Variants in TAF1B observed in about 807,000 individuals in gnomAD.
TAF1B encodes TATA box-binding protein-associated factor RNA polymerase I subunit B.
Under a neutral mutation model 83.9 loss-of-function variants are expected in TAF1B, and 61 were observed. The ratio of observed to expected loss-of-function variants is 0.73; its 90% CI spans 0.59 to 0.90. The LOEUF (loss-of-function observed/expected upper bound fraction) is 0.90. TAF1B is among the 40% of genes least tolerant of loss of function. TAF1B has a pLI of 0.00. For missense variants in TAF1B, 625 were observed against 677.0 expected (o/e 0.92, Z 0.85); for synonymous variants, 221 against 224.6 (o/e 0.98, Z 0.14).
chr2:9,881,366 C>T (rs1224681690), intron 7 of TAF1B, among the ~76,000 whole-genome samples: 1 of 151,958 alleles, frequency 6.6e-6, no homozygotes, highest in Non-Finnish European at 1.5e-5. Context: ...TCAGTTTTGT[C>T]CTTTAAGTGT....
intron 8 of TAF1B, among the ~76,000 whole-genome samples, chr2:9,887,782 A>T (rs1008768984): frequency 6.6e-6 from 1 of 151,986 alleles, no homozygotes; most frequent in African/African-American, 2.4e-5. Context: ...TACATGTCTC[A>T]TCTCTTGTTT....
At chr2:9,908,237 G>A (rs1286082029) in intron 9 of TAF1B, among the ~76,000 whole-genome samples, 4 of 150,778 alleles carry the variant, frequency 2.7e-5, no homozygotes, top group African/African-American at 9.8e-5. Flanking sequence ...AGTAGAGATG[G>A]GGTTTCACTG....
chr2:9,868,556 G>A, intron 6 of TAF1B, 127 bp downstream of exon 6: 1 of 1,292,502 alleles, frequency 7.7e-7, no homozygotes, highest in Non-Finnish European at 1.1e-6. Context: ...TAGCAAGGAA[G>A]AATGACTTGC....
intron 7 of TAF1B, among the ~76,000 whole-genome samples, chr2:9,878,114 C>T (rs995134358): frequency 5.9e-5 from 9 of 152,008 alleles, no homozygotes; most frequent in Non-Finnish European, 1.3e-4. Flanking sequence ...GGAACTGGTT[C>T]GAAATGTGAA....
chr2:9,888,807 T>TTTG (rs1558251762), intron 8 of TAF1B, among the ~76,000 whole-genome samples: 2 of 144,726 alleles, frequency 1.4e-5, no homozygotes, highest in African/African-American at 2.6e-5. Context: ...TTTTTTTTTT[T>TTTG]TTTTTTTTTT....
Position 9,851,548 on chromosome 2 carries a change from C to G in TAF1B, c.213C>G (p.Gly71=), listed in dbSNP as rs776126923. Residue 71 remains glycine (G), a synonymous_variant, in exon 4 of 15, where the codon GGC becomes GGG. Transcript: ENST00000263663. ...GLKKKNNTEK[G]WDWYVCEGFQ... is the part of the protein sequence containing the mutation. The stretch of plus-strand genomic sequence containing the variant: ...ATGCTATTTGTCATTTAGAAAAAGG[C>G]TGGGATTGGTATGTGTGTGAAGGTT... 1 of 1,598,694 alleles carries G rather than the reference C, an allele frequency of 6.3e-7. No homozygotes were observed. The highest frequency in any genetic ancestry group is 8.5e-7 in the Non-Finnish European group (1 of 1,174,542).
In TAF1B at chr2:9,845,343, A is replaced by G. The variant is rs200469080; in HGVS notation, c.117+25A>G. 8 of 1,598,212 alleles carry G rather than the reference A, an allele frequency of 5.0e-6. No individual in the cohort carries two copies. The African/African-American group carries it at 1.1e-4, about 21-fold the overall frequency. Reference sequence around the variant, plus strand: ...GGTAAGTAACAAATATCATTTATGAATTTGCTTATGTTTTAAAAATTGCCA... The same window carrying G: ...GGTAAGTAACAAATATCATTTATGAGTTTGCTTATGTTTTAAAAATTGCCA... On this transcript the variant is annotated intron_variant, in intron 2 of 14. Coordinates refer to ENST00000263663, the MANE Select transcript of TAF1B (RefSeq NM_005680.3).
intron 9 of TAF1B, among the ~76,000 whole-genome samples, chr2:9,905,268 T>G (rs1665306738): frequency 6.6e-6 from 1 of 152,214 alleles, no homozygotes. Flanking sequence ...TGTTTGATTT[T>G]TATGGTAAGT....
At chr2:9,856,976 C>G (rs1663585347) in intron 5 of TAF1B, among the ~76,000 whole-genome samples, 1 of 152,116 alleles carries the variant, frequency 6.6e-6, no homozygotes. Context: ...AGTAAGAGGC[C>G]TGGTCCCTGC....
intron 6 of TAF1B, among the ~76,000 whole-genome samples, chr2:9,872,533 A>C (rs949890349): frequency 9.2e-5 from 14 of 152,114 alleles, no homozygotes; most frequent in African/African-American, 3.1e-4. Context: ...CAGGACTGCT[A>C]AGCCAATAAT....
chr2:9,888,408 C>T (rs903510264), intron 8 of TAF1B, among the ~76,000 whole-genome samples: 4 of 151,792 alleles, frequency 2.6e-5, no homozygotes, highest in African/African-American at 9.7e-5. Context: ...TTCTGGTAAT[C>T]TTTTTATTTA....
rs1665611579 is a variant in TAF1B at position 9,914,107 on chromosome 2, A to G, written c.1271+858A>G. 6.6e-6 allele frequency among the ~76,000 whole-genome samples: 1 copy of G among 152,204 alleles called. No individual in the cohort carries two copies. The highest frequency in any genetic ancestry group is 1.5e-5 in the Non-Finnish European group (1 of 68,026). On this transcript the variant is annotated intron_variant, in intron 12 of 14. Transcript: ENST00000263663. The surrounding 1 kb of genome is among the most constrained non-coding windows in gnomAD (Gnocchi z 4.3). ...TGTAATTAAGACCCAATTTTCCAGT[A>G]TGAGAGTAGAACTAGATTATTTTTC... is the stretch of plus-strand genomic sequence containing the variant.
rs755147605 is a variant in TAF1B, at chr2:9,882,772, A to G, written c.774A>G (p.Leu258=). The G allele has an allele frequency of 1.9e-6, 3 of 1,611,962 alleles. No individual in the cohort carries two copies. Among genetic ancestry groups the G allele is most frequent in the South Asian group, 1.1e-5 (1 of 90,602 alleles). The change falls in exon 8 of 15, where the codon TTA becomes TTG. Residue 258 remains leucine (L), a synonymous_variant. Transcript: ENST00000263663. Reference sequence around the variant, plus strand: ...AGCATTTTCCAGAACAGATGAAATTATATGGACGTGACAGAGGAATCTTTG... The same window carrying G: ...AGCATTTTCCAGAACAGATGAAATTGTATGGACGTGACAGAGGAATCTTTG... ...AFQHFPEQMK[L]YGRDRGIFGI... is the part of the protein sequence containing the mutation.
intron 2 of TAF1B, among the ~76,000 whole-genome samples, 178 bp from the exon 3 acceptor site, chr2:9,849,195 G>GA (rs913345173): frequency 7.2e-5 from 11 of 152,078 alleles, no homozygotes; most frequent in African/African-American, 2.7e-4. Context: ...AATTTTGAAT[G>GA]AAAAAACAAC....
chr2:9,846,161 A>T, intron 2 of TAF1B: 1 of 466,848 alleles, frequency 2.1e-6, no homozygotes, highest in Non-Finnish European at 4.4e-6. Flanking sequence ...AGTTTGCCAA[A>T]GTTACCCAAG....
intron 8 of TAF1B, among the ~76,000 whole-genome samples, chr2:9,903,638 T>C (rs1434266878): frequency 1.3e-5 from 2 of 152,226 alleles, no homozygotes; most frequent in South Asian, 2.1e-4. Context: ...ACTACTAGAC[T>C]TAAAACCTGG....
intron 6 of TAF1B, among the ~76,000 whole-genome samples, chr2:9,872,440 A>AGGG (rs1664197422): frequency 6.6e-6 from 1 of 152,126 alleles, no homozygotes; most frequent in South Asian, 2.1e-4. Flanking sequence ...GAGTTTCTCC[A>AGGG]ATTCCTGAGC....
At chr2:9,898,659 T>A (rs1292436689) in intron 8 of TAF1B, among the ~76,000 whole-genome samples, 1 of 152,224 alleles carries the variant, frequency 6.6e-6, no homozygotes, top group South Asian at 2.1e-4. Context: ...GAGAAGATTC[T>A]GGCAGGCTTC....
At chr2:9,872,253 G>A (rs1664190002) in intron 6 of TAF1B, among the ~76,000 whole-genome samples, 1 of 151,920 alleles carries the variant, frequency 6.6e-6, no homozygotes, top group South Asian at 2.1e-4. Flanking sequence ...TTGAACCCGG[G>A]AGTTGGAGGT....
Sources: gnomAD v4.1 joint callset for allele counts (sites outside exome capture counted in the v4.1 genomes callset) on GRCh38, gnomAD v4.1.1 for gene constraint, Gnocchi (gnomAD v3.1) non-coding constraint, MANE v1.5 for transcripts, NCBI Gene and HGNC (gene_info 2026-07-23, HGNC 2026-07-21) for gene names.